Variants in GSE1 observed in about 807,000 individuals in gnomAD.
GSE1 encodes the protein genetic suppressor element 1.
A neutral mutation model predicts 112.6 loss-of-function variants in GSE1; 32 were observed. The ratio of observed to expected loss-of-function variants is 0.28; its 90% CI spans 0.21 to 0.38. GSE1 has a LOEUF of 0.38. Ranked by LOEUF, GSE1 falls within the 10% of genes least tolerant of loss-of-function variation. GSE1 has a pLI of 1.00. For missense variants in GSE1, 2,348 were observed against 1,699.2 expected, an observed-to-expected ratio of 1.38 and a Z score of -6.71; for synonymous variants, 1,115 against 735.6, an observed-to-expected ratio of 1.52 and a Z score of -8.35.
chr16:85,352,248 A>T (rs2046865643), intron 1 of GSE1, among the ~76,000 whole-genome samples: 1 of 152,174 alleles, frequency 6.6e-6, no homozygotes, highest in Admixed American at 6.5e-5. Context: ...GCAGGATCTC[A>T]TTAGGCTATT....
chr16:85,652,188 G>A (rs568934390), intron 3 of GSE1, among the ~76,000 whole-genome samples: 107 of 152,344 alleles, frequency 7.0e-4, no homozygotes, highest in African/African-American at 2.5e-3. Flanking sequence ...GTTCATAGCC[G>A]TGCCATCAAC....
At chr16:85,555,662 ACCCCCTCCCGCCGCCC>A, upstream of GSE1, 4 of 615,512 alleles carry the variant, frequency 6.5e-6, no homozygotes, top group Non-Finnish European at 7.9e-6. Flanking sequence ...AACAAGAGAT[ACCCCCTCCCGCCGCCC>A]CCCCCTTCCT....
At position 85,357,442 on chromosome 16, in the gene GSE1, G is replaced by A; in HGVS notation, c.2284-21G>A. The A allele has an allele frequency of 5.0e-6, 6 of 1,198,316 alleles. 1 individual carries two copies. Among genetic ancestry groups the A allele is most frequent in the South Asian group, 3.0e-5 (2 of 66,234 alleles). The allele number at this position is 1,198,316 out of a possible 1,614,324, so 74.2% of individuals were successfully genotyped here. On this transcript the variant is annotated intron_variant, in intron 1 of 2. Coordinates refer to the GSE1 transcript ENST00000637419. ...TGCAGGCATGGCCCAGGCTCACTGT[G>A]TCCACCTCTTTTCCTTTCAGCCTGT...
intron 1 of GSE1, among the ~76,000 whole-genome samples, chr16:85,315,325 A>G (rs2045964366): frequency 6.6e-6 from 1 of 152,160 alleles, no homozygotes; most frequent in African/African-American, 2.4e-5. Flanking sequence ...CTGCACGCAC[A>G]TCAGATTGAA....
Position 85,588,996 on chromosome 16 carries a change from C to T in GSE1, c.37+32633C>T, listed in dbSNP as rs753674709. Among the ~76,000 whole-genome samples, 68 of 152,182 alleles carry T rather than the reference C, an allele frequency of 4.5e-4. 1 individual carries two copies. Among genetic ancestry groups the T allele is most frequent in the Non-Finnish European group, 1.0e-4 (7 of 68,024 alleles). ...TAACACATGTTCACACATATACTCA[C>T]ACATCTGCGGGTGGGGTACACTCCT... is the stretch of plus-strand genomic sequence containing the variant. On this transcript the variant is annotated intron_variant, in intron 1 of 2. Coordinates refer to the GSE1 transcript ENST00000635906.
chr16:85,310,624 G>C (rs2045812886), intron 1 of GSE1, among the ~76,000 whole-genome samples: 1 of 151,848 alleles, frequency 6.6e-6, no homozygotes. Flanking sequence ...CCTGACACCT[G>C]GGCATCCTCT....
chr16:85,486,627 C>G (rs919752543), intron 2 of GSE1, among the ~76,000 whole-genome samples: 1 of 152,210 alleles, frequency 6.6e-6, no homozygotes, highest in Non-Finnish European at 1.5e-5. Flanking sequence ...GAGGCCTGCC[C>G]TGGTCCCCAG....
chr16:85,361,854 G>A (rs75903237), intron 2 of GSE1, among the ~76,000 whole-genome samples: 2,896 of 152,094 alleles, frequency 0.019, 37 homozygotes, highest in Non-Finnish European at 0.031. Flanking sequence ...GTTCCCTGCC[G>A]TCCCAGACTC....
chr16:85,398,031 C>G (rs2048008501), intron 2 of GSE1, among the ~76,000 whole-genome samples: 1 of 152,094 alleles, frequency 6.6e-6, no homozygotes, highest in Non-Finnish European at 1.5e-5. Context: ...CTCAGAGCTT[C>G]CAGGTGATTC....
intron 1 of GSE1, among the ~76,000 whole-genome samples, chr16:85,235,878 GCCCGCGCCCCGCC>G (rs1462458073): frequency 2.0e-5 from 3 of 151,890 alleles, no homozygotes; most frequent in Non-Finnish European, 4.4e-5. Flanking sequence ...TGGCAGCGGC[GCCCGCGCCCCGCC>G]CCCGCGCTGG....
intron 1 of GSE1, among the ~76,000 whole-genome samples, chr16:85,183,055 A>G (rs531961692): frequency 4.3e-4 from 66 of 152,160 alleles, no homozygotes; most frequent in Middle Eastern, 3.4e-3. Context: ...GTGCACACTC[A>G]TACACTGTCT....
At chr16:85,468,294 T>G (rs1382631574) in intron 2 of GSE1, among the ~76,000 whole-genome samples, 1 of 151,266 alleles carries the variant, frequency 6.6e-6, no homozygotes, top group Non-Finnish European at 1.5e-5. Context: ...CAGCTTCTTC[T>G]TGTAGGGCCC....
At chr16:85,448,684 C>T (rs554807763) in intron 2 of GSE1, among the ~76,000 whole-genome samples, 72 of 152,326 alleles carry the variant, frequency 4.7e-4, no homozygotes, top group Non-Finnish European at 8.7e-4. Context: ...CTGGCAGGGG[C>T]GATGGAGGGG....
intron 1 of GSE1, among the ~76,000 whole-genome samples, chr16:85,293,773 G>C (rs552285386): frequency 3.3e-5 from 5 of 152,216 alleles, no homozygotes; most frequent in African/African-American, 1.2e-4. Context: ...GAACTTCATC[G>C]CTGTGATCGC....
intron 2 of GSE1, among the ~76,000 whole-genome samples, chr16:85,518,816 C>G (rs938089011): frequency 6.6e-6 from 1 of 152,116 alleles, no homozygotes; most frequent in Admixed American, 6.5e-5. Context: ...AAGACTGACA[C>G]CTGGCACTGT....
At chr16:85,634,614 C>T (rs1031036816) in intron 2 of GSE1, among the ~76,000 whole-genome samples, 2 of 152,182 alleles carry the variant, frequency 1.3e-5, no homozygotes, top group Non-Finnish European at 2.9e-5. Flanking sequence ...GCTGAACCCA[C>T]CACTGCTCAA....
At chr16:85,624,782 G>T (rs765035876) in intron 1 of GSE1, among the ~76,000 whole-genome samples, 1 of 152,200 alleles carries the variant, frequency 6.6e-6, no homozygotes, top group African/African-American at 2.4e-5. Flanking sequence ...CTGCCTCCGG[G>T]AAGCAGCCCA....
At chr16:85,446,691 T>C (rs1278345886) in intron 2 of GSE1, among the ~76,000 whole-genome samples, 3 of 152,160 alleles carry the variant, frequency 2.0e-5, no homozygotes, top group Non-Finnish European at 4.4e-5. Context: ...CTACCGTGTG[T>C]TGGAGCTCAG....
intron 1 of GSE1, among the ~76,000 whole-genome samples, chr16:85,234,418 A>G (rs1322881035): frequency 6.6e-6 from 1 of 152,182 alleles, no homozygotes; most frequent in Non-Finnish European, 1.5e-5. Context: ...GAGTGAGCAC[A>G]GGGACCGCTC....
Sources: allele counts gnomAD v4.1 joint callset (sites outside exome capture counted in the v4.1 genomes callset), GRCh38; gene constraint gnomAD v4.1.1; transcripts MANE v1.5; gene names NCBI Gene and HGNC (gene_info 2026-07-23, HGNC 2026-07-21).